The following NAALADL2 variants were observed in gnomAD, a reference collection of about 807,000 sequenced individuals.
NAALADL2 encodes the protein inactive N-acetylated-alpha-linked acidic dipeptidase-like protein 2.
NAALADL2 carries 76 observed loss-of-function variants against 87.2 expected under a neutral mutation model. That is an observed-to-expected ratio of 0.87 (90% CI 0.72 to 1.05). The LOEUF is 1.05. NAALADL2 is among the 50% of genes least tolerant of loss of function. The pLI, the probability that NAALADL2 is intolerant of heterozygous loss-of-function variation, is 0.00. For missense variants in NAALADL2, 1,089 were observed against 945.8 expected (o/e 1.15, Z -1.99); for synonymous variants, 354 against 331.0 (o/e 1.07, Z -0.75).
chr3:175,271,126 T>C (rs1474043615), intron 4 of NAALADL2: 2 of 152,118 alleles, frequency 1.3e-5, no homozygotes, highest in Non-Finnish European at 2.9e-5. Flanking sequence ...ATGAGTAGTT[T>C]GGCAATAGAG....
At chr3:174,564,951 GT>G (rs1257547474) in intron 2 of NAALADL2, among the ~76,000 whole-genome samples, 2 of 151,624 alleles carry the variant, frequency 1.3e-5, no homozygotes, top group East Asian at 3.9e-4. Context: ...TATTTTTACA[GT>G]TTTTTTAGAA....
intron 3 of NAALADL2, among the ~76,000 whole-genome samples, chr3:174,849,920 A>T (rs1235095046): frequency 6.6e-6 from 1 of 152,116 alleles, no homozygotes; most frequent in Non-Finnish European, 1.5e-5. Context: ...TACTAAAGAT[A>T]TAAGTATTTT....
intron 2 of NAALADL2, among the ~76,000 whole-genome samples, chr3:174,619,447 G>C (rs961213393): frequency 1.3e-5 from 2 of 151,872 alleles, no homozygotes; most frequent in Non-Finnish European, 1.5e-5. Flanking sequence ...GTGTGCTTTA[G>C]TAATAAGCCC....
chr3:174,622,965 C>A (rs1721175615), intron 2 of NAALADL2, among the ~76,000 whole-genome samples: 1 of 152,160 alleles, frequency 6.6e-6, no homozygotes, highest in Non-Finnish European at 1.5e-5. Flanking sequence ...ATGGCGTGAA[C>A]CCAGGAGGCG....
intron 2 of NAALADL2, among the ~76,000 whole-genome samples, chr3:174,638,269 T>TGGTAG (rs1335631272): frequency 4.6e-5 from 7 of 152,206 alleles, no homozygotes; most frequent in Non-Finnish European, 8.8e-5. Flanking sequence ...TATATAGGCT[T>TGGTAG]TTTGGTAGGC....
At chr3:174,536,936 AAT>A (rs1318841371) in intron 1 of NAALADL2, among the ~76,000 whole-genome samples, 1 of 152,206 alleles carries the variant, frequency 6.6e-6, no homozygotes, top group African/African-American at 2.4e-5. Context: ...CAATAATGCA[AAT>A]AACAATATTA....
intron 1 of NAALADL2, among the ~76,000 whole-genome samples, chr3:175,068,910 C>A (rs1419307037): frequency 6.6e-6 from 1 of 151,904 alleles, no homozygotes; most frequent in East Asian, 1.9e-4. Flanking sequence ...AAGAAAATTG[C>A]CAGCAATTAT....
chr3:175,297,519 A>G (rs937468795), intron 4 of NAALADL2, among the ~76,000 whole-genome samples: 2 of 152,160 alleles, frequency 1.3e-5, no homozygotes, highest in Non-Finnish European at 2.9e-5. Flanking sequence ...ATGTGACAAA[A>G]TTGCCTTTCC....
chr3:175,372,087 GA>G (rs1217765410), intron 5 of NAALADL2, among the ~76,000 whole-genome samples: 1 of 152,110 alleles, frequency 6.6e-6, no homozygotes, highest in African/African-American at 2.4e-5. Flanking sequence ...TAACCCTTAG[GA>G]GTTCACAAAA....
At chr3:175,642,593 T>C (rs1560902168) in intron 11 of NAALADL2, among the ~76,000 whole-genome samples, 2 of 151,726 alleles carry the variant, frequency 1.3e-5, no homozygotes, top group East Asian at 1.9e-4. Context: ...CTCCACCTTC[T>C]GGGTTCATGC....
intron 3 of NAALADL2, among the ~76,000 whole-genome samples, chr3:174,828,381 C>G (rs1466260262): frequency 6.6e-6 from 1 of 152,130 alleles, no homozygotes; most frequent in Non-Finnish European, 1.5e-5. Flanking sequence ...AAATTCTTTT[C>G]TTATAAATTT....
chr3:175,225,370 C>G (rs969550309), intron 2 of NAALADL2, among the ~76,000 whole-genome samples: 5 of 151,938 alleles, frequency 3.3e-5, no homozygotes, highest in Admixed American at 3.3e-4. Flanking sequence ...AAAATATTTC[C>G]TGAACATTGA....
intron 1 of NAALADL2, among the ~76,000 whole-genome samples, chr3:174,870,491 A>G (rs1232301444): frequency 1.3e-5 from 2 of 152,146 alleles, no homozygotes; most frequent in Non-Finnish European, 2.9e-5. Flanking sequence ...GTTGGTATCA[A>G]TGTTTACCCA....
intron 2 of NAALADL2, among the ~76,000 whole-genome samples, chr3:174,627,923 C>T (rs574912224): frequency 3.9e-5 from 6 of 152,048 alleles, no homozygotes; most frequent in Admixed American, 2.6e-4. Context: ...ATAATAAACA[C>T]GGGAGACGTC....
intron 2 of NAALADL2, among the ~76,000 whole-genome samples, chr3:175,118,924 G>A (rs1298810329): frequency 6.6e-6 from 1 of 151,516 alleles, no homozygotes; most frequent in Non-Finnish European, 1.5e-5. Context: ...TTCCCCTTTG[G>A]CTAAGATATG....
chr3:175,715,874 A>C (rs1202822023), intron 11 of NAALADL2, among the ~76,000 whole-genome samples: 2 of 152,010 alleles, frequency 1.3e-5, no homozygotes, highest in Non-Finnish European at 2.9e-5. Flanking sequence ...GACTCTGTCA[A>C]AATAAAAAAT....
chr3:175,777,978 A>G (rs1196796956), intron 13 of NAALADL2, among the ~76,000 whole-genome samples: 1 of 152,220 alleles, frequency 6.6e-6, no homozygotes, highest in Non-Finnish European at 1.5e-5. Flanking sequence ...TACGTTTAGC[A>G]TAATGTTTTC....
intron 11 of NAALADL2, among the ~76,000 whole-genome samples, chr3:175,659,689 C>G (rs1429262029): frequency 6.6e-6 from 1 of 152,070 alleles, no homozygotes; most frequent in Non-Finnish European, 1.5e-5. Context: ...TAATAAAGGC[C>G]TTAGAATCTT....
intron 12 of NAALADL2, among the ~76,000 whole-genome samples, chr3:175,746,378 A>C (rs1005738550): frequency 1.4e-5 from 2 of 147,906 alleles, no homozygotes; most frequent in Non-Finnish European, 3.0e-5. Flanking sequence ...TTTTTTTTCT[A>C]AAAATTAAAA....
Sources: allele counts gnomAD v4.1 joint callset (sites outside exome capture counted in the v4.1 genomes callset), GRCh38; gene constraint gnomAD v4.1.1; transcripts MANE v1.5; gene names NCBI Gene and HGNC (gene_info 2026-07-23, HGNC 2026-07-21).